RPS6KA2: variants seen among roughly 807,000 people sequenced by gnomAD.
RPS6KA2 encodes ribosomal protein S6 kinase alpha-2.
In RPS6KA2, 42 loss-of-function variants were observed where a neutral mutation model predicts 91.8. That is an observed-to-expected ratio of 0.46 (90% CI 0.36 to 0.59). RPS6KA2 has a LOEUF of 0.59. Among genes scored for constraint, RPS6KA2 ranks in the 20% least tolerant of loss-of-function variants. The pLI, the probability that RPS6KA2 is intolerant of heterozygous loss-of-function variation, is 0.00. For synonymous variants in RPS6KA2, 414 were observed against 393.6 expected (o/e 1.05, Z -0.61); for missense variants, 798 against 978.5 (o/e 0.82, Z 2.46).
chr6:166,817,384 A>C (rs1324846283), intron 2 of RPS6KA2, among the ~76,000 whole-genome samples: 1 of 120,544 alleles, frequency 8.3e-6, no homozygotes, highest in African/African-American at 2.7e-5. Flanking sequence ...TCAACAAAGA[A>C]ACACACACAC....
At chr6:166,858,589 C>T (rs1398721335) in intron 1 of RPS6KA2, among the ~76,000 whole-genome samples, 1 of 152,190 alleles carries the variant, frequency 6.6e-6, no homozygotes, top group Non-Finnish European at 1.5e-5. Context: ...GTGGAGAAAG[C>T]GTGGATTTTC....
intron 1 of RPS6KA2, among the ~76,000 whole-genome samples, chr6:166,608,812 G>GT (rs887733344): frequency 2.7e-5 from 4 of 150,684 alleles, no homozygotes; most frequent in South Asian, 2.1e-4. Flanking sequence ...TGTTTGTTCT[G>GT]TTTTTTTTTA....
chr6:166,412,954 G>A lies in RPS6KA2; in HGVS notation c.2077-67C>T, dbSNP rs1051538771. 1.5e-5 allele frequency: 22 copies of A among 1,447,676 alleles called. No individual in the cohort carries two copies. The Admixed American group carries it at 2.1e-4, about 14-fold the overall frequency. 89.7% of individuals were successfully genotyped at this position (1,447,676 alleles called of 1,614,324 possible). A position where few individuals can be genotyped will look rare whatever the true frequency, so the allele number is the denominator to read the frequency against. On this transcript the variant is annotated intron_variant, in intron 20 of 20. Coordinates refer to ENST00000265678, the MANE Select transcript of RPS6KA2 (RefSeq NM_021135.6). The surrounding 1 kb of genome is among the most constrained non-coding windows in gnomAD (Gnocchi z 4.3). ...TCCAGGGGTTGAGCCGGAGCCCGGGGCCTCCATGGGCCTCAGCTGCCCCCA... is the reference window on the plus strand; with the variant it reads ...TCCAGGGGTTGAGCCGGAGCCCGGGACCTCCATGGGCCTCAGCTGCCCCCA...
At chr6:166,649,205 G>A (rs1349092704) in intron 2 of RPS6KA2, among the ~76,000 whole-genome samples, 2 of 152,098 alleles carry the variant, frequency 1.3e-5, no homozygotes, top group African/African-American at 2.4e-5. Flanking sequence ...TGCCCCTCGC[G>A]TTCCTGCCCC....
intron 1 of RPS6KA2, among the ~76,000 whole-genome samples, chr6:166,585,212 T>C (rs1384714083): frequency 1.3e-5 from 2 of 152,112 alleles, no homozygotes; most frequent in Non-Finnish European, 2.9e-5. Flanking sequence ...GAAAAAGAGG[T>C]AGTGAGTGAC....
At chr6:166,496,533 T>C (rs970251476) in intron 8 of RPS6KA2, among the ~76,000 whole-genome samples, 2 of 152,122 alleles carry the variant, frequency 1.3e-5, no homozygotes, top group Non-Finnish European at 2.9e-5. Flanking sequence ...TTTTGACTTA[T>C]ATGTGGTGTT....
chr6:166,815,077 A>G (rs920439382), intron 2 of RPS6KA2, among the ~76,000 whole-genome samples: 2 of 152,176 alleles, frequency 1.3e-5, no homozygotes, highest in African/African-American at 4.8e-5. Flanking sequence ...GCACTTGAAA[A>G]ATGGTATTCT....
intron 5 of RPS6KA2, among the ~76,000 whole-genome samples, chr6:166,506,735 T>G (rs937338828): frequency 6.6e-6 from 1 of 152,016 alleles, no homozygotes; most frequent in Non-Finnish European, 1.5e-5. Context: ...TACTGTTCAT[T>G]TGGGGCTTTG....
chr6:166,417,954 C>T (rs934207256), intron 19 of RPS6KA2, among the ~76,000 whole-genome samples: 9 of 151,678 alleles, frequency 5.9e-5, no homozygotes, highest in South Asian at 2.1e-4. Context: ...CGGGTGTGGT[C>T]GCACACGCCT....
intron 2 of RPS6KA2, among the ~76,000 whole-genome samples, chr6:166,715,128 C>T (rs2128581871): frequency 6.6e-6 from 1 of 152,364 alleles, no homozygotes; most frequent in African/African-American, 2.4e-5. Context: ...GCAGGTGGAG[C>T]ACTGGGAGGC....
rs576959775 is a variant in RPS6KA2 at position 166,639,560 on chromosome 6, T to C, written c.124-100776A>G. Reference sequence around the variant, plus strand: ...GGAAGCTTGGAAGCCCCAGACTCTGTTCTTCCTAGCCAGGCCTTCTTCCAT... The same window carrying C: ...GGAAGCTTGGAAGCCCCAGACTCTGCTCTTCCTAGCCAGGCCTTCTTCCAT... On this transcript the variant is annotated intron_variant, in intron 2 of 21. Transcript: ENST00000503859. The surrounding 1 kb of genome is among the most constrained non-coding windows in gnomAD (Gnocchi z 4.2). Among the ~76,000 whole-genome samples, 5 of 152,288 alleles carry C rather than the reference T, an allele frequency of 3.3e-5. No homozygotes were observed. In the East Asian group the frequency reaches 7.7e-4, roughly 24 times the overall value.
intron 1 of RPS6KA2, among the ~76,000 whole-genome samples, chr6:166,605,344 C>T (rs1234267409): frequency 6.6e-6 from 1 of 152,122 alleles, no homozygotes; most frequent in African/African-American, 2.4e-5. Flanking sequence ...AGATTACGAG[C>T]TCCTTAAAAG....
At chr6:166,449,623 C>A (rs1418133411) in intron 13 of RPS6KA2, among the ~76,000 whole-genome samples, 4 of 152,130 alleles carry the variant, frequency 2.6e-5, no homozygotes, top group African/African-American at 9.7e-5. Flanking sequence ...AGGGTCCTGG[C>A]TGGGCTCCAC....
At chr6:166,855,480 AG>A (rs1562473316) in intron 2 of RPS6KA2, among the ~76,000 whole-genome samples, 13 of 62,390 alleles carry the variant, frequency 2.1e-4, no homozygotes, top group Non-Finnish European at 2.7e-4. Context: ...AAGAGGAAGA[AG>A]AAGAAGAGGA....
chr6:166,439,575 G>A (rs1464671082), intron 14 of RPS6KA2, among the ~76,000 whole-genome samples: 1 of 152,210 alleles, frequency 6.6e-6, no homozygotes, highest in Non-Finnish European at 1.5e-5. Flanking sequence ...TGTTGCCCTG[G>A]AGTGGCTGCC....
At chr6:166,739,478 G>A (rs1465092996) in intron 2 of RPS6KA2, among the ~76,000 whole-genome samples, 1 of 152,162 alleles carries the variant, frequency 6.6e-6, no homozygotes, top group East Asian at 1.9e-4. Flanking sequence ...TCTAAAATCC[G>A]GGCCCTGGCG....
At chr6:166,831,361 C>T (rs1037713086) in intron 2 of RPS6KA2, among the ~76,000 whole-genome samples, 3 of 152,158 alleles carry the variant, frequency 2.0e-5, no homozygotes, top group Non-Finnish European at 2.9e-5. Flanking sequence ...GGGTCCGTGG[C>T]CATGATGACT....
intron 1 of RPS6KA2, among the ~76,000 whole-genome samples, chr6:166,608,028 A>G (rs868022282): frequency 2.1e-4 from 32 of 150,642 alleles, no homozygotes; most frequent in Admixed American, 3.3e-4. Context: ...AAAAAAAAAA[A>G]AGAGAGAGAG....
intron 1 of RPS6KA2, among the ~76,000 whole-genome samples, chr6:166,550,370 G>GA (rs1006796694): frequency 8.0e-5 from 12 of 149,160 alleles, no homozygotes; most frequent in South Asian, 2.1e-4. Context: ...TGCTGCAAGG[G>GA]AAAAAAAAAT....
Sources: allele counts gnomAD v4.1 joint callset (sites outside exome capture counted in the v4.1 genomes callset), GRCh38; gene constraint gnomAD v4.1.1; non-coding constraint Gnocchi (gnomAD v3.1); transcripts MANE v1.5; gene names NCBI Gene and HGNC (gene_info 2026-07-23, HGNC 2026-07-21).